The following TAFA2 variants were observed in gnomAD, a reference collection of about 807,000 sequenced individuals.
The protein encoded by TAFA2 is TAFA chemokine like family member 2.
TAFA2 carries 7 observed loss-of-function variants against 18.8 expected under a neutral mutation model. That is an observed-to-expected ratio of 0.37 (90% confidence interval 0.21 to 0.70). TAFA2 has a LOEUF of 0.70. Among genes scored for constraint, TAFA2 ranks in the 30% least tolerant of loss-of-function variants. TAFA2 has a pLI of 0.53. For missense variants in TAFA2, 122 were observed against 158.1 expected (o/e 0.77, Z 1.23); for synonymous variants, 60 against 54.2 (o/e 1.11, Z -0.47).
At chr12:62,253,694 T>G (rs1474256228) in intron 1 of TAFA2, 1 of 152,228 alleles carries the variant, frequency 6.6e-6, no homozygotes, top group Non-Finnish European at 1.5e-5. Flanking sequence ...TTTTAAGGAT[T>G]CATATGATTA....
intron 1 of TAFA2, among the ~76,000 whole-genome samples, chr12:61,907,929 G>C (rs780031015): frequency 1.5e-4 from 23 of 152,078 alleles, no homozygotes; most frequent in Non-Finnish European, 3.4e-4. Flanking sequence ...CAGGCCCTTT[G>C]TTTTGGCCAT....
At chr12:62,079,902 C>G (rs980786981) in intron 1 of TAFA2, among the ~76,000 whole-genome samples, 2 of 152,154 alleles carry the variant, frequency 1.3e-5, no homozygotes, top group Non-Finnish European at 2.9e-5. Context: ...AACTTGACAG[C>G]TTAAAACAAT....
intron 2 of TAFA2, among the ~76,000 whole-genome samples, chr12:61,860,086 G>T (rs1198093204): frequency 6.6e-6 from 1 of 152,088 alleles, no homozygotes; most frequent in Non-Finnish European, 1.5e-5. Flanking sequence ...ATAAATGTAT[G>T]AATACATAAA....
intron 1 of TAFA2, among the ~76,000 whole-genome samples, chr12:62,149,085 C>T (rs1158025757): frequency 6.6e-6 from 1 of 152,200 alleles, no homozygotes; most frequent in African/African-American, 2.4e-5. Flanking sequence ...TTAGCACAGA[C>T]TTACAGCATT....
chr12:62,218,142 C>T lies in TAFA2; in HGVS notation c.-130+40621G>A, dbSNP rs572340686. ...TCCCAAGTAGCTGGGACTACAGGCACGCACCGTCACACCGGGCTAACTTTT... is the reference window on the plus strand; with the variant it reads ...TCCCAAGTAGCTGGGACTACAGGCATGCACCGTCACACCGGGCTAACTTTT... On this transcript the variant is annotated intron_variant, in intron 1 of 5. Coordinates refer to the TAFA2 transcript ENST00000551619. 1.5e-3 allele frequency among the ~76,000 whole-genome samples: 224 copies of T among 151,938 alleles called. 2 individuals are homozygous for T. The highest frequency in any genetic ancestry group is 5.1e-3 in the African/African-American group (212 of 41,422).
chr12:61,922,283 G>GA (rs1877085374), intron 1 of TAFA2, among the ~76,000 whole-genome samples: 1 of 152,186 alleles, frequency 6.6e-6, no homozygotes, highest in Non-Finnish European at 1.5e-5. Context: ...TCCTCGGGGT[G>GA]AAAGGAAATA....
chr12:62,249,064 AT>A lies in TAFA2; in HGVS notation c.-130+9698del, dbSNP rs796346938. On this transcript the variant is annotated intron_variant, in intron 1 of 5. Transcript: ENST00000551619. The stretch of plus-strand genomic sequence containing the variant: ...CATGCCCCAGGGTAATTGTTTAAAA[AT>A]TTTTTTTTTTCATTCCTTCCCTGTG... Among the ~76,000 whole-genome samples, 325 of 149,264 alleles carry A rather than the reference AT, an allele frequency of 2.2e-3. 2 individuals are homozygous for A. The highest frequency in any genetic ancestry group is 2.8e-3 in the African/African-American group (113 of 40,820).
chr12:62,028,912 G>A (rs937716825), intron 1 of TAFA2, among the ~76,000 whole-genome samples: 5 of 151,936 alleles, frequency 3.3e-5, no homozygotes, highest in African/African-American at 4.8e-5. Flanking sequence ...ATCTAATATA[G>A]GAATATCTGC....
intron 2 of TAFA2, among the ~76,000 whole-genome samples, chr12:61,840,466 C>T (rs1258139976): frequency 1.3e-5 from 2 of 151,764 alleles, no homozygotes; most frequent in African/African-American, 4.8e-5. Context: ...AAATATCCAC[C>T]TCCATTGTTT....
intron 1 of TAFA2, among the ~76,000 whole-genome samples, chr12:62,177,541 A>T (rs1199255649): frequency 6.6e-6 from 1 of 152,248 alleles, no homozygotes; most frequent in Non-Finnish European, 1.5e-5. Flanking sequence ...CTAACAGTAC[A>T]CTAATGACTT....
At chr12:61,763,242 C>T (rs1869637402) in intron 2 of TAFA2, among the ~76,000 whole-genome samples, 1 of 152,004 alleles carries the variant, frequency 6.6e-6, no homozygotes, top group African/African-American at 2.4e-5. Context: ...AAAACTGTTC[C>T]ACTTTTATAT....
At chr12:61,917,070 C>A (rs1033363279) in intron 1 of TAFA2, among the ~76,000 whole-genome samples, 1 of 152,018 alleles carries the variant, frequency 6.6e-6, no homozygotes, top group African/African-American at 2.4e-5. Flanking sequence ...CCCAATCCTG[C>A]CATTTGAATA....
chr12:62,043,631 A>G (rs1012886631), intron 1 of TAFA2, among the ~76,000 whole-genome samples: 15 of 152,324 alleles, frequency 9.8e-5, no homozygotes, highest in African/African-American at 3.6e-4. Context: ...AAATTTAAAA[A>G]AAAGAATTAT....
At chr12:61,991,086 C>T (rs1879994315) in intron 1 of TAFA2, among the ~76,000 whole-genome samples, 1 of 152,158 alleles carries the variant, frequency 6.6e-6, no homozygotes, top group African/African-American at 2.4e-5. Flanking sequence ...ACTTTATGCT[C>T]TTTTCTGGAA....
chr12:62,116,756 A>G (rs2136873127), intron 1 of TAFA2, among the ~76,000 whole-genome samples: 1 of 152,294 alleles, frequency 6.6e-6, no homozygotes, highest in South Asian at 2.1e-4. Flanking sequence ...AATCACAGTA[A>G]CAGAAATGGA....
At chr12:61,837,912 A>T (rs1341084012) in intron 2 of TAFA2, among the ~76,000 whole-genome samples, 1 of 152,080 alleles carries the variant, frequency 6.6e-6, no homozygotes, top group Admixed American at 6.6e-5. Context: ...GGAAATAATG[A>T]GCCAGTAGAA....
intron 2 of TAFA2, among the ~76,000 whole-genome samples, chr12:61,836,732 G>GATATATATGT (rs58543429): frequency 8.9e-6 from 1 of 112,786 alleles, no homozygotes; most frequent in Non-Finnish European, 1.9e-5. Context: ...TTGCCAATTT[G>GATATATATGT]ATATATATAT....
At chr12:61,726,862 G>T (rs960723219) in intron 4 of TAFA2, among the ~76,000 whole-genome samples, 1 of 152,038 alleles carries the variant, frequency 6.6e-6, no homozygotes, top group Non-Finnish European at 1.5e-5. Context: ...TTGGCTGTGG[G>T]TTTGTCATGA....
At chr12:61,835,531 G>A (rs1470881478) in intron 2 of TAFA2, among the ~76,000 whole-genome samples, 1 of 151,888 alleles carries the variant, frequency 6.6e-6, no homozygotes, top group Non-Finnish European at 1.5e-5. Context: ...TTTAACATTT[G>A]GGAAGACTAG....
Sources: allele counts gnomAD v4.1 joint callset (sites outside exome capture counted in the v4.1 genomes callset), GRCh38; gene constraint gnomAD v4.1.1; transcripts MANE v1.5; gene names NCBI Gene and HGNC (gene_info 2026-07-23, HGNC 2026-07-21).